The following ABLIM1 variants were observed in gnomAD, a reference collection of about 807,000 sequenced individuals.
The protein encoded by ABLIM1 is actin-binding LIM protein 1.
In ABLIM1, 40 loss-of-function variants were observed where a neutral mutation model predicts 107.0. The ratio of observed to expected loss-of-function variants is 0.37; its 90% CI spans 0.29 to 0.49. The LOEUF is 0.49. Ranked by LOEUF, ABLIM1 falls within the 20% of genes least tolerant of loss-of-function variation. The probability of loss-of-function intolerance (pLI) is 0.97; values close to 1 mark genes in which losing one functional copy is unlikely to be tolerated. For missense variants in ABLIM1, 857 were observed against 1,008.5 expected (o/e 0.85, Z 2.04); for synonymous variants, 357 against 357.3 (o/e 1.00, Z 0.01).
chr10:114,661,066 T>C (rs1365882553), upstream of ABLIM1, among the ~76,000 whole-genome samples: 1 of 152,150 alleles, frequency 6.6e-6, no homozygotes, highest in African/African-American at 2.4e-5. Context: ...TACAGATCCA[T>C]ATATTTAGTT....
intron 12 of ABLIM1, among the ~76,000 whole-genome samples, chr10:114,461,901 T>A (rs1243237901): frequency 1.3e-5 from 2 of 152,158 alleles, no homozygotes; most frequent in African/African-American, 4.8e-5. Flanking sequence ...ATCAAAAAAT[T>A]TGCTAATGGC....
At chr10:114,550,590 G>T (rs1052672037) in intron 4 of ABLIM1, among the ~76,000 whole-genome samples, 27 of 152,058 alleles carry the variant, frequency 1.8e-4, no homozygotes, top group Non-Finnish European at 4.0e-4. Flanking sequence ...TTACATTAGG[G>T]TTCAGTCTTG....
intron 1 of ABLIM1, among the ~76,000 whole-genome samples, chr10:114,702,448 A>G (rs1157053555): frequency 6.6e-6 from 1 of 152,072 alleles, no homozygotes; most frequent in East Asian, 1.9e-4. Context: ...GTATTTTAAC[A>G]TCAGTGTTTT....
At chr10:114,800,175 C>T in the ABLIM1 span, among the ~76,000 whole-genome samples, 1 of 152,120 alleles carries the variant, frequency 6.6e-6, no homozygotes, top group Non-Finnish European at 1.5e-5. Flanking sequence ...ATTCCTATGC[C>T]CTTACCTGAT....
intron 1 of ABLIM1, among the ~76,000 whole-genome samples, chr10:114,742,953 A>G (rs1168037078): frequency 6.6e-6 from 1 of 152,156 alleles, no homozygotes; most frequent in Admixed American, 6.6e-5. Flanking sequence ...ATCTACCTCA[A>G]GGACAGATGT....
rs1207839725 is a variant in ABLIM1 at position 114,699,409 on chromosome 10, A to C, written c.-213+68652T>G. On this transcript the variant is annotated intron_variant, in intron 1 of 15. Coordinates refer to the ABLIM1 transcript ENST00000651092. ...ATAATTTATATTGGTTTTCAGCTCTAAAAATCAACTTATAATAAAAAAGAA... is the reference window on the plus strand; with the variant it reads ...ATAATTTATATTGGTTTTCAGCTCTCAAAATCAACTTATAATAAAAAAGAA... 2.6e-5 allele frequency among the ~76,000 whole-genome samples: 4 copies of C among 152,108 alleles called. No homozygotes were observed. In the East Asian group the frequency reaches 7.8e-4, roughly 30 times the overall value.
chr10:114,756,451 T>C (rs1161598867), intron 1 of ABLIM1, among the ~76,000 whole-genome samples: 1 of 152,186 alleles, frequency 6.6e-6, no homozygotes, highest in Admixed American at 6.5e-5. Flanking sequence ...ACAGACCTTG[T>C]TGCCATTTTA....
At chr10:114,739,317 G>A (rs2082242251) in intron 1 of ABLIM1, among the ~76,000 whole-genome samples, 1 of 152,162 alleles carries the variant, frequency 6.6e-6, no homozygotes, top group Non-Finnish European at 1.5e-5. Flanking sequence ...GAGAGAAGCT[G>A]GGAATAATTA....
At position 114,658,142 on chromosome 10, in the gene ABLIM1, T is replaced by A. The variant is rs1033471322; in HGVS notation, c.59A>T (p.Lys20Ile). ...ACTGGTTCTCTCAGATGAGGTGACT[T>A]TGCTTTTCTCAGAGCTGCACAATTT... is the stretch of plus-strand genomic sequence containing the variant. The part of the protein sequence containing the change: ...LGKLCSSEKS[K>I]VTSSERTSAR... The change falls in exon 1 of 23, where the codon AAA becomes ATA. Residue 20 changes from lysine (K) to isoleucine (I), a missense_variant. Lys to Ile is a moderately radical substitution (Grantham distance 102). Coordinates refer to ENST00000533213, the MANE Select transcript of ABLIM1 (RefSeq NM_002313.7). 5 of 1,613,938 alleles carry A rather than the reference T, an allele frequency of 3.1e-6. No individual in the cohort carries two copies. Among genetic ancestry groups the A allele is most frequent in the Non-Finnish European group, 4.2e-6 (5 of 1,179,980 alleles).
intron 6 of ABLIM1, among the ~76,000 whole-genome samples, chr10:114,528,653 C>T (rs2065128816): frequency 6.6e-6 from 1 of 152,222 alleles, no homozygotes; most frequent in African/African-American, 2.4e-5. Context: ...TGCATGTTCA[C>T]ATGCAGATTC....
At chr10:114,752,181 G>A (rs2082529100) in intron 1 of ABLIM1, among the ~76,000 whole-genome samples, 1 of 152,156 alleles carries the variant, frequency 6.6e-6, no homozygotes, top group South Asian at 2.1e-4. Context: ...AGTCTTCTGA[G>A]GTCATCTAAG....
chr10:114,702,414 T>C (rs1566254036), intron 1 of ABLIM1, among the ~76,000 whole-genome samples: 1 of 152,168 alleles, frequency 6.6e-6, no homozygotes, highest in Non-Finnish European at 1.5e-5. Context: ...TTAAAATAAT[T>C]TCAACGATAA....
At chr10:114,507,909 AG>A (rs1565690543) in intron 6 of ABLIM1, among the ~76,000 whole-genome samples, 1 of 152,196 alleles carries the variant, frequency 6.6e-6, no homozygotes, top group Admixed American at 6.5e-5. Flanking sequence ...AAAGGCATCC[AG>A]GTACTCCAAG....
intron 1 of ABLIM1, among the ~76,000 whole-genome samples, chr10:114,614,057 G>C (rs966031211): frequency 6.6e-6 from 1 of 151,958 alleles, no homozygotes; most frequent in African/African-American, 2.4e-5. Context: ...GGCTTGAAAA[G>C]AAAAAACATG....
At chr10:114,736,099 C>G (rs36021781) in intron 1 of ABLIM1, among the ~76,000 whole-genome samples, 54,529 of 152,024 alleles carry the variant, frequency 0.36, 11,232 homozygotes, top group Non-Finnish European at 0.47. Flanking sequence ...AGCTAAACTT[C>G]CTGCAGAAGA....
chr10:114,774,734 G>C, the ABLIM1 span, among the ~76,000 whole-genome samples: 1 of 152,102 alleles, frequency 6.6e-6, no homozygotes, highest in Admixed American at 6.6e-5. Context: ...CTAGACATGA[G>C]GGCTAGGGGC....
At chr10:114,443,389 T>G (rs1048045040) in intron 17 of ABLIM1, among the ~76,000 whole-genome samples, 4 of 151,558 alleles carry the variant, frequency 2.6e-5, no homozygotes, top group Non-Finnish European at 5.9e-5. Context: ...CTCAGCTCAC[T>G]GCAACCTCCA....
At chr10:114,655,224 A>G (rs563607043) in intron 1 of ABLIM1, among the ~76,000 whole-genome samples, 4 of 152,350 alleles carry the variant, frequency 2.6e-5, no homozygotes, top group South Asian at 4.1e-4. Flanking sequence ...GCCACACTTA[A>G]CTAATCTCCC....
At chr10:114,445,557 T>G (rs2139372940) in intron 15 of ABLIM1, among the ~76,000 whole-genome samples, 154 bp from the exon 16 acceptor site, 1 of 152,294 alleles carries the variant, frequency 6.6e-6, no homozygotes, top group East Asian at 1.9e-4. Flanking sequence ...CAAAAATGCC[T>G]GCCACCAACT....
Sources: gnomAD v4.1 joint callset for allele counts (sites outside exome capture counted in the v4.1 genomes callset) on GRCh38, gnomAD v4.1.1 for gene constraint, MANE v1.5 for transcripts, NCBI Gene and HGNC (gene_info 2026-07-23, HGNC 2026-07-21) for gene names.